The following EFL1 variants were observed in gnomAD, a reference collection of about 807,000 sequenced individuals.
The protein encoded by EFL1 is elongation factor-like GTPase 1.
In EFL1, 76 loss-of-function variants were observed where a neutral mutation model predicts 126.7. The observed-to-expected ratio is 0.60, with a 90% CI of 0.50 to 0.73. The LOEUF (loss-of-function observed/expected upper bound fraction) is 0.73, where lower values mean the gene tolerates loss of function less well. Ranked by LOEUF, EFL1 falls within the 30% of genes least tolerant of loss-of-function variation. EFL1 has a pLI of 0.00. For missense variants in EFL1, 1,128 were observed against 1,343.2 expected, an observed-to-expected ratio of 0.84 and a Z score of 2.50; for synonymous variants, 410 against 448.4, an observed-to-expected ratio of 0.91 and a Z score of 1.08.
At chr15:82,137,320 C>T (rs1160930576) in intron 19 of EFL1, among the ~76,000 whole-genome samples, 1 of 152,092 alleles carries the variant, frequency 6.6e-6, no homozygotes, top group African/African-American at 2.4e-5. Flanking sequence ...AGAAAGATAA[C>T]AGCTTAGCAT....
chr15:82,202,413 T>G (rs1454820505), intron 15 of EFL1, among the ~76,000 whole-genome samples: 1 of 152,216 alleles, frequency 6.6e-6, no homozygotes, highest in African/African-American at 2.4e-5. Flanking sequence ...TTTCTTTATG[T>G]GTGACTTTGG....
chr15:82,223,294 A>T lies in EFL1; in HGVS notation c.1292+1871T>A, dbSNP rs188744550. ...AAAAAAATCAGCTAGAAGATGGAAAAGAACAAAGTAATGGTGATGACCTTG... is the reference window on the plus strand; with the variant it reads ...AAAAAAATCAGCTAGAAGATGGAAATGAACAAAGTAATGGTGATGACCTTG... On this transcript the variant is annotated intron_variant, in intron 12 of 19. Transcript: ENST00000268206. Among the ~76,000 whole-genome samples, 293 of 152,290 alleles carry T rather than the reference A, an allele frequency of 1.9e-3. 1 individual carries two copies. The highest frequency in any genetic ancestry group is 0.01 in the Middle Eastern group (3 of 294).
intron 15 of EFL1, among the ~76,000 whole-genome samples, chr15:82,185,765 TGACATATTCAG>T (rs2074297258): frequency 6.6e-6 from 1 of 152,200 alleles, no homozygotes; most frequent in African/African-American, 2.4e-5. Flanking sequence ...CTTTAGTTAC[TGACATATTCAG>T]GACTCTACTG....
intron 15 of EFL1, among the ~76,000 whole-genome samples, chr15:82,197,823 T>C (rs534414707): frequency 1.6e-4 from 24 of 152,278 alleles, no homozygotes; most frequent in African/African-American, 5.3e-4. Context: ...TCCTCTATAT[T>C]AATGATTCAG....
chr15:82,229,125 A>G lies in EFL1; in HGVS notation c.856-15T>C, dbSNP rs2074794900. The G allele has an allele frequency of 6.3e-7, 1 of 1,597,360 alleles. No homozygotes were observed. Among genetic ancestry groups the G allele is most frequent in the Non-Finnish European group, 8.5e-7 (1 of 1,173,874 alleles). On this transcript the variant is annotated splice_polypyrimidine_tract_variant and intron_variant, in intron 8 of 19. Transcript: ENST00000268206. The stretch of plus-strand genomic sequence containing the variant: ...TTTCCTTTGGCCTGTACAAAAGAAC[A>G]TACGGGCTTAAGTTCCTGAACATTT...
intron 18 of EFL1, among the ~76,000 whole-genome samples, chr15:82,149,582 G>A (rs980740500): frequency 6.6e-6 from 1 of 152,200 alleles, no homozygotes; most frequent in East Asian, 1.9e-4. Context: ...GTTGCTTTAA[G>A]AGGGATGCTG....
intron 15 of EFL1, among the ~76,000 whole-genome samples, chr15:82,165,902 C>G (rs1201979759): frequency 2.6e-5 from 4 of 152,202 alleles, no homozygotes. Context: ...TCCTGTGCCT[C>G]CAGTGTACTT....
chr15:82,164,896 C>CAAA lies in EFL1; in HGVS notation c.1751-915_1751-913dup, dbSNP rs1240782656. ...TGGGCGACAGAGCGAGATTCCACCT[C>CAAA]AAAAAAAAAAAAAAAAGAGTGATAA... On this transcript the variant is annotated intron_variant, in intron 15 of 19. Transcript: ENST00000268206. Among the ~76,000 whole-genome samples the CAAA allele has an allele frequency of 4.6e-3, 419 of 91,598 alleles. 3 individuals are homozygous for CAAA. Among genetic ancestry groups the CAAA allele is most frequent in the Non-Finnish European group, 7.2e-3 (332 of 45,922 alleles). 60.1% of individuals were successfully genotyped at this position (91,598 alleles called of 152,430 possible).
intron 4 of EFL1, among the ~76,000 whole-genome samples, chr15:82,248,981 G>T (rs1005566750): frequency 2.0e-5 from 3 of 152,026 alleles, no homozygotes; most frequent in African/African-American, 7.3e-5. Flanking sequence ...CTATTTGGGG[G>T]GAGAAATAAA....
intron 16 of EFL1, among the ~76,000 whole-genome samples, chr15:82,159,498 T>A (rs187147941): frequency 6.6e-5 from 10 of 152,010 alleles, no homozygotes; most frequent in Admixed American, 3.9e-4. Flanking sequence ...CAAAAGAAAT[T>A]TGAAACATGG....
At chr15:82,168,768 C>T (rs904447361) in intron 15 of EFL1, among the ~76,000 whole-genome samples, 2 of 152,170 alleles carry the variant, frequency 1.3e-5, no homozygotes, top group African/African-American at 4.8e-5. Context: ...CCCTCCTTGG[C>T]CTCCCAAAGT....
In EFL1 at chr15:82,219,624, A is replaced by G. The variant is rs767273251; in HGVS notation, c.1611+28T>C. 5 of 1,586,310 alleles carry G rather than the reference A, an allele frequency of 3.2e-6. No homozygotes were observed. The South Asian group carries it at 4.6e-5, about 15-fold the overall frequency. On this transcript the variant is annotated intron_variant, in intron 14 of 19. Coordinates refer to ENST00000268206, the MANE Select transcript of EFL1 (RefSeq NM_024580.6). ...AGATATCAGACCCTCGAGAAACAAT[A>G]TATAAATATTTTACTTTCAATTCTT...
chr15:82,150,896 A>G (rs1247349250), intron 18 of EFL1, among the ~76,000 whole-genome samples: 5 of 152,200 alleles, frequency 3.3e-5, no homozygotes, highest in Non-Finnish European at 7.3e-5. Context: ...AACACATATG[A>G]GCAGTTTAAA....
At chr15:82,260,963 T>C (rs776853740) in intron 2 of EFL1, among the ~76,000 whole-genome samples, 2 of 152,258 alleles carry the variant, frequency 1.3e-5, no homozygotes, top group Admixed American at 6.5e-5. Context: ...AGGAGCGCTA[T>C]GGAGTTACAG....
chr15:82,259,617 G>T (rs1307933881), intron 2 of EFL1, among the ~76,000 whole-genome samples: 2 of 152,094 alleles, frequency 1.3e-5, no homozygotes, highest in East Asian at 3.8e-4. Context: ...CTAAACCTAG[G>T]AATCTACTTT....
At chr15:82,227,913 C>A (rs1442981928) in intron 10 of EFL1, among the ~76,000 whole-genome samples, 2 of 152,164 alleles carry the variant, frequency 1.3e-5, no homozygotes, top group Admixed American at 6.5e-5. Context: ...ATATTTGAAT[C>A]TTAGTGTAAA....
chr15:82,156,730 A>T (rs1000678007), intron 17 of EFL1, among the ~76,000 whole-genome samples: 2 of 152,322 alleles, frequency 1.3e-5, no homozygotes, highest in Middle Eastern at 6.8e-3. Flanking sequence ...AATCATTTAT[A>T]ATTATTATTT....
intron 15 of EFL1, among the ~76,000 whole-genome samples, chr15:82,187,199 G>C (rs1218661386): frequency 6.6e-6 from 1 of 152,206 alleles, no homozygotes; most frequent in Non-Finnish European, 1.5e-5. Context: ...TTGTCAATGA[G>C]CAAAGAGGCC....
chr15:82,185,926 C>G (rs2074298939), intron 15 of EFL1, among the ~76,000 whole-genome samples: 2 of 152,168 alleles, frequency 1.3e-5, no homozygotes, highest in South Asian at 4.1e-4. Flanking sequence ...CCACTCATTC[C>G]TAACTTGCTT....
Sources: allele counts gnomAD v4.1 joint callset (sites outside exome capture counted in the v4.1 genomes callset), GRCh38; gene constraint gnomAD v4.1.1; transcripts MANE v1.5; gene names NCBI Gene and HGNC (gene_info 2026-07-23, HGNC 2026-07-21).